The following RNF150 variants were observed in gnomAD, a reference collection of about 807,000 sequenced individuals.
RNF150 encodes the protein ring finger protein 150.
In RNF150, 24 loss-of-function variants were observed where a neutral mutation model predicts 39.3. The ratio of observed to expected loss-of-function variants is 0.61; its 90% CI spans 0.44 to 0.86. RNF150 has a LOEUF of 0.86. RNF150 is among the 40% of genes least tolerant of loss of function. The pLI, the probability that RNF150 is intolerant of heterozygous loss-of-function variation, is 0.00. For synonymous variants in RNF150, 255 were observed against 227.3 expected (o/e 1.12, Z -1.10); for missense variants, 502 against 587.8 (o/e 0.85, Z 1.51).
chr4:141,203,575 C>G (rs1728323811), intron 1 of RNF150, among the ~76,000 whole-genome samples: 1 of 151,910 alleles, frequency 6.6e-6, no homozygotes, highest in South Asian at 2.1e-4. Flanking sequence ...CTAGATACCC[C>G]AAAGGCACCA....
At chr4:140,994,737 A>C (rs1263602481) in intron 1 of RNF150, among the ~76,000 whole-genome samples, 2 of 152,242 alleles carry the variant, frequency 1.3e-5, no homozygotes, top group Non-Finnish European at 2.9e-5. Context: ...TCACTAGAGT[A>C]AAAGGCAGGA....
intron 1 of RNF150, among the ~76,000 whole-genome samples, chr4:141,005,075 G>A (rs1482246811): frequency 6.6e-6 from 1 of 152,160 alleles, no homozygotes; most frequent in African/African-American, 2.4e-5. Flanking sequence ...ATATGAGGGA[G>A]GAAGAATGAG....
Position 141,063,408 on chromosome 4 carries a change from G to A in RNF150, c.484+68917C>T, listed in dbSNP as rs1046031347. Among the ~76,000 whole-genome samples, 3 of 152,228 alleles carry A rather than the reference G, an allele frequency of 2.0e-5. No individual in the cohort carries two copies. The East Asian group carries it at 5.8e-4, about 29-fold the overall frequency. ...CCTTTCTGTTCTTACAGCCATTTAGGTTATGCCAAAATTTTTCTTTTTGAA... is the reference window on the plus strand; with the variant it reads ...CCTTTCTGTTCTTACAGCCATTTAGATTATGCCAAAATTTTTCTTTTTGAA... On this transcript the variant is annotated intron_variant, in intron 1 of 6. Transcript: ENST00000515673.
At chr4:141,178,730 C>T (rs1319506947) in intron 1 of RNF150, among the ~76,000 whole-genome samples, 1 of 149,780 alleles carries the variant, frequency 6.7e-6, no homozygotes, top group Non-Finnish European at 1.5e-5. Context: ...CATGTGGATG[C>T]TAGTTCATGT....
intron 1 of RNF150, among the ~76,000 whole-genome samples, chr4:141,039,101 A>G (rs1027656678): frequency 6.6e-6 from 1 of 152,204 alleles, no homozygotes; most frequent in African/African-American, 2.4e-5. Context: ...GTGTGGGAGT[A>G]ACATATTCAG....
intron 5 of RNF150, among the ~76,000 whole-genome samples, chr4:140,922,545 C>T (rs1183195917): frequency 6.6e-6 from 1 of 151,760 alleles, no homozygotes; most frequent in African/African-American, 2.4e-5. Flanking sequence ...CCATACTGCC[C>T]AAGGTAATTT....
At chr4:141,038,675 A>G (rs1425530025) in intron 1 of RNF150, among the ~76,000 whole-genome samples, 2 of 152,098 alleles carry the variant, frequency 1.3e-5, no homozygotes, top group African/African-American at 2.4e-5. Flanking sequence ...TGGGCAAGAC[A>G]GCAAGACCCT....
chr4:140,922,779 C>A (rs62345869), intron 5 of RNF150, among the ~76,000 whole-genome samples: 11,650 of 150,820 alleles, frequency 0.077, 534 homozygotes, highest in Middle Eastern at 0.11. Context: ...GAGATATAGA[C>A]CAATGGAACA....
chr4:141,043,516 T>C (rs1011795441), intron 1 of RNF150, among the ~76,000 whole-genome samples: 1 of 152,182 alleles, frequency 6.6e-6, no homozygotes, highest in African/African-American at 2.4e-5. Context: ...AGTTTTAACA[T>C]CTTGTCGAGA....
intron 1 of RNF150, among the ~76,000 whole-genome samples, chr4:141,065,232 T>C (rs1293210047): frequency 6.6e-6 from 1 of 152,192 alleles, no homozygotes. Context: ...CTTGCTTGTC[T>C]ACAATCAGCA....
intron 2 of RNF150, among the ~76,000 whole-genome samples, chr4:140,958,712 G>A (rs1416396881): frequency 6.6e-6 from 1 of 152,068 alleles, no homozygotes; most frequent in Non-Finnish European, 1.5e-5. Context: ...TCAGGGCTGA[G>A]TTGAGAGGTG....
chr4:141,085,315 C>T (rs1738320638), intron 1 of RNF150, among the ~76,000 whole-genome samples: 1 of 152,188 alleles, frequency 6.6e-6, no homozygotes, highest in East Asian at 1.9e-4. Context: ...GTCCCTCCCA[C>T]GACATGTGGG....
At chr4:141,204,792 CTCAG>C in intron 1 of RNF150, among the ~76,000 whole-genome samples, 1 of 152,142 alleles carries the variant, frequency 6.6e-6, no homozygotes, top group Non-Finnish European at 1.5e-5. Context: ...TGAGTTGGTT[CTCAG>C]TCTTTGGTTG....
intron 6 of RNF150, among the ~76,000 whole-genome samples, chr4:140,873,204 G>A (rs1366637104): frequency 6.6e-6 from 1 of 152,178 alleles, no homozygotes; most frequent in Admixed American, 6.5e-5. Context: ...GGAAGATACG[G>A]TAATACCTGT....
intron 6 of RNF150, among the ~76,000 whole-genome samples, chr4:140,869,280 CAGAA>C (rs1346295585): frequency 3.9e-5 from 6 of 152,060 alleles, no homozygotes; most frequent in Non-Finnish European, 7.4e-5. Flanking sequence ...TAAGTGAAAA[CAGAA>C]ATATTTAAAG....
chr4:140,939,565 A>G (rs1486506244), intron 4 of RNF150, among the ~76,000 whole-genome samples: 1 of 151,798 alleles, frequency 6.6e-6, no homozygotes, highest in Non-Finnish European at 1.5e-5. Context: ...CTCTGAAGAA[A>G]GGCTTAAGAA....
intron 1 of RNF150, among the ~76,000 whole-genome samples, chr4:141,130,966 C>T (rs1726878639): frequency 6.6e-6 from 1 of 152,222 alleles, no homozygotes; most frequent in Non-Finnish European, 1.5e-5. Flanking sequence ...CTCTCCTCCT[C>T]TTCATTAATT....
chr4:140,954,746 T>A (rs940600402), intron 2 of RNF150, among the ~76,000 whole-genome samples: 4 of 152,126 alleles, frequency 2.6e-5, no homozygotes, highest in Non-Finnish European at 5.9e-5. Context: ...CCGAGACACA[T>A]AAATTAGTAA....
chr4:141,183,114 C>T (rs569933976), intron 1 of RNF150, among the ~76,000 whole-genome samples: 2 of 152,262 alleles, frequency 1.3e-5, no homozygotes, highest in African/African-American at 4.8e-5. Context: ...AACTTTTCCA[C>T]ATATAATTTT....
Sources: allele counts gnomAD v4.1 joint callset (sites outside exome capture counted in the v4.1 genomes callset), GRCh38; gene constraint gnomAD v4.1.1; transcripts MANE v1.5; gene names NCBI Gene and HGNC (gene_info 2026-07-23, HGNC 2026-07-21).